EXOC3L1: variants seen among roughly 807,000 people sequenced by gnomAD.
EXOC3L1 encodes exocyst complex component 3-like protein.
EXOC3L1 carries 79 observed loss-of-function variants against 83.6 expected under a neutral mutation model. The ratio of observed to expected loss-of-function variants is 0.95; its 90% CI spans 0.79 to 1.14. The LOEUF (loss-of-function observed/expected upper bound fraction) is 1.14. EXOC3L1 is among the 50% of genes most tolerant of loss of function. EXOC3L1 has a pLI of 0.00. For missense variants in EXOC3L1, 945 were observed against 972.0 expected (o/e 0.97, Z 0.37); for synonymous variants, 433 against 451.2 (o/e 0.96, Z 0.51).
rs1567683733 is a variant in EXOC3L1 at position 67,185,508 on chromosome 16, A to G, written c.1497-18T>C. 1.2e-6 allele frequency: 2 copies of G among 1,601,488 alleles called. No individual in the cohort carries two copies. The highest frequency in any genetic ancestry group is 1.1e-5 in the South Asian group (1 of 91,042). On this transcript the variant is annotated intron_variant, in intron 9 of 13. Coordinates refer to ENST00000314586, the MANE Select transcript of EXOC3L1 (RefSeq NM_178516.4). ...CTGAGGAGCTGGACCAAGCAAAACT[A>G]CGGCTTCAGGACCAAGGCCAAGGCC...
At chr16:67,189,222 G>A (rs1015934324) in intron 2 of EXOC3L1, 42 bp from the exon 3 acceptor site, 2 of 1,524,144 alleles carry the variant, frequency 1.3e-6, no homozygotes, top group Admixed American at 2.2e-5. Flanking sequence ...TCAGGGAGGA[G>A]GGCCCAACGA....
rs780471406 is a variant in EXOC3L1 at position 67,184,875 on chromosome 16, C to T, written c.1905+27G>A. 19 of 1,611,042 alleles carry T rather than the reference C, an allele frequency of 1.2e-5. 1 individual carries two copies. The South Asian group carries it at 1.4e-4, about 12-fold the overall frequency. ...CCCACCCAGCCACTGAGACTCTCGC[C>T]CGTCTGCCCGCCCAAGAAGCTCTCA... On this transcript the variant is annotated intron_variant, in intron 12 of 13. Coordinates refer to ENST00000314586, the MANE Select transcript of EXOC3L1 (RefSeq NM_178516.4).
chr16:67,187,875 C>A, intron 4 of EXOC3L1, 38 bp from the exon 5 acceptor site: 1 of 1,535,350 alleles, frequency 6.5e-7, no homozygotes, highest in Non-Finnish European at 8.8e-7. Flanking sequence ...TGGGTCTCAG[C>A]CTTCCCACCG....
At chr16:67,185,605 AAC>A (rs1480852649) in intron 9 of EXOC3L1, 115 bp from the exon 10 acceptor site, 4 of 970,698 alleles carry the variant, frequency 4.1e-6, no homozygotes, top group African/African-American at 1.6e-5. Context: ...AGGGAGCGAG[AAC>A]AGCGGCTCTC....
rs577532353 is a variant in EXOC3L1, at chr16:67,186,698, C to T, written c.1285-41G>A. 10 of 1,613,290 alleles carry T rather than the reference C, an allele frequency of 6.2e-6. No individual in the cohort carries two copies. In the South Asian group the frequency reaches 7.7e-5, roughly 12 times the overall value. On this transcript the variant is annotated intron_variant, in intron 7 of 13. Transcript: ENST00000314586. ...AGCAGCCATCGGCAAAGCCTCCCTC[C>T]TTCCTCTCCTCCCCACTGCCCCATG...
chr16:67,189,880 G>A, intron 1 of EXOC3L1, 91 bp downstream of exon 1: 1 of 604,434 alleles, frequency 1.7e-6, no homozygotes. Context: ...TCGTGCCCCT[G>A]CAGATGTCAA....
intron 6 of EXOC3L1, 34 bp downstream of exon 6, chr16:67,186,987 A>T: frequency 6.2e-7 from 1 of 1,611,840 alleles, no homozygotes. Context: ...GCAGATAAGT[A>T]GGACTTCTCT....
chr16:67,185,477 C>T lies in EXOC3L1; in HGVS notation c.1510G>A (p.Val504Ile). ...HKSALSSSVS[V>I]LQLDGAPSGA... ...GAAGGCGCCCCGTCCAGCTGCAGGA[C>T]AGACACTGAGGAGCTGGACCAAGCA... Residue 504 changes from valine (V) to isoleucine (I), a missense_variant, in exon 10 of 14, where the codon GTC becomes ATC. Transcript: ENST00000314586. 1 of 1,608,660 alleles carries T rather than the reference C, an allele frequency of 6.2e-7. No homozygotes were observed. The highest frequency in any genetic ancestry group is 8.5e-7 in the Non-Finnish European group (1 of 1,179,980).
intron 2 of EXOC3L1, 149 bp from the exon 3 acceptor site, chr16:67,189,329 T>A (rs2032819641): frequency 1.1e-6 from 1 of 931,198 alleles, no homozygotes; most frequent in Non-Finnish European, 1.5e-6. Flanking sequence ...CAGGCTGGAG[T>A]GCAGTGGTGC....
Position 67,186,898 on chromosome 16 carries a change from C to T in EXOC3L1, c.1159-14G>A. Reference sequence around the variant, plus strand: ...AGACACACTTGCCTGGGGGGAGGGGCCAGGGGCAAAGGAATGTAGCAGGGA... The same window carrying T: ...AGACACACTTGCCTGGGGGGAGGGGTCAGGGGCAAAGGAATGTAGCAGGGA... On this transcript the variant is annotated splice_polypyrimidine_tract_variant and intron_variant, in intron 6 of 13. Coordinates refer to ENST00000314586, the MANE Select transcript of EXOC3L1 (RefSeq NM_178516.4). 2 of 1,613,346 alleles carry T rather than the reference C, an allele frequency of 1.2e-6. No individual in the cohort carries two copies. The highest frequency in any genetic ancestry group is 2.2e-5 in the East Asian group (1 of 44,874).
chr16:67,188,988 C>T, intron 3 of EXOC3L1, 32 bp downstream of exon 3: 1 of 1,605,564 alleles, frequency 6.2e-7, no homozygotes. Flanking sequence ...GCAGCACAGT[C>T]CCAGCACCCG....
In EXOC3L1 at chr16:67,184,535, G is replaced by T. The variant is rs764949461; in HGVS notation, c.2100C>A (p.Leu700=). ...DLSREQHLAA[L]SSLQAALPPS... ...GCGGCAGCGCAGCCTGCAGGGAGCTGAGCGCGGCCAGGTGCTGCTCCCGGG... is the reference window on the plus strand; with the variant it reads ...GCGGCAGCGCAGCCTGCAGGGAGCTTAGCGCGGCCAGGTGCTGCTCCCGGG... The change falls in exon 14 of 14, where the codon CTC becomes CTA. Residue 700 remains leucine, a synonymous_variant. Coordinates refer to ENST00000314586, the MANE Select transcript of EXOC3L1 (RefSeq NM_178516.4). The T allele has an allele frequency of 1.2e-5, 19 of 1,525,982 alleles. No homozygotes were observed. Among genetic ancestry groups the T allele is most frequent in the Admixed American group, 1.0e-4 (5 of 49,862 alleles). The allele number at this position is 1,525,982 out of a possible 1,614,324, so 94.5% of individuals were successfully genotyped here.
At chr16:67,185,856 AGT>A (rs112113522) in intron 9 of EXOC3L1, among the ~76,000 whole-genome samples, 19 of 151,578 alleles carry the variant, frequency 1.3e-4, no homozygotes, top group Non-Finnish European at 1.2e-4. Flanking sequence ...AGAGGAAGGG[AGT>A]GTGTGTGTGT....
In EXOC3L1 at chr16:67,184,383, G is replaced by T; in HGVS notation, c.*11C>A. 5 of 1,534,884 alleles carry T rather than the reference G, an allele frequency of 3.3e-6. No individual in the cohort carries two copies. Among genetic ancestry groups the T allele is most frequent in the Non-Finnish European group, 4.4e-6 (5 of 1,146,028 alleles). ...CAACACACACAGACTCAGGCGTCCG[G>T]CAGCCGTGGTTTATTCTGCGAGCAG... On this transcript the variant is annotated 3_prime_UTR_variant, in exon 14 of 14. Transcript: ENST00000314586.
rs775801701 is a variant in EXOC3L1 at position 67,189,156 on chromosome 16, C to T, written c.71G>A (p.Arg24Gln). The T allele has an allele frequency of 6.2e-6, 10 of 1,604,906 alleles. No individual in the cohort carries two copies. The highest frequency in any genetic ancestry group is 2.7e-5 in the African/African-American group (2 of 74,902). ...TGCACCCCGGGCCAGCTGCTCTGCC[C>T]GCTCCTGCTCTGGCCACTCAGGTCC... ...SPGPEWPEQE[R>Q]AEQLARGAAL... is the part of the protein sequence containing the mutation. Residue 24 changes from arginine to glutamine, a missense_variant, in exon 3 of 14, where the codon CGG becomes CAG. Physicochemically the swap from Arg to Gln is conservative, Grantham distance 43. Coordinates refer to ENST00000314586, the MANE Select transcript of EXOC3L1 (RefSeq NM_178516.4).
At position 67,184,762 on chromosome 16, in the gene EXOC3L1, C is replaced by T; in HGVS notation, c.1954G>A (p.Glu652Lys). 1.3e-6 allele frequency: 2 copies of T among 1,596,408 alleles called. No individual in the cohort carries two copies. The highest frequency in any genetic ancestry group is 2.2e-5 in the South Asian group (2 of 90,562). Residue 652 changes from glutamate to lysine, a missense_variant, in exon 13 of 14, where the codon GAG (glutamate) becomes AAG (lysine). Physicochemically the swap from Glu to Lys is moderately conservative, Grantham distance 56. Transcript: ENST00000314586. ...GCGGGGTCGCGGAGGTTTAGCAGCT[C>T]CCTCAGGGCGAGCAGCACCGGCGCG... Reference protein sequence around the residue: ...HCAPVLLALRELLNLRDPALL... With the variant: ...HCAPVLLALRKLLNLRDPALL...
rs1033930051 is a variant in EXOC3L1 at position 67,188,897 on chromosome 16, C to T, written c.251G>A (p.Trp84Ter). ...CACCTCAATGGCCTGGGCCAGCTGCCACACACCAGTCTGCACGCCTTCCAG... is the reference window on the plus strand; with the variant it reads ...CACCTCAATGGCCTGGGCCAGCTGCTACACACCAGTCTGCACGCCTTCCAG... Reference protein sequence around the residue: ...SYLEGVQTGVWQLAQAIEVVQ... With the variant: ...SYLEGVQTGV The change falls in exon 4 of 14, where the codon TGG (tryptophan) becomes TAG (stop). Residue 84 changes from tryptophan (W) to a stop codon, truncating the protein, a stop_gained. Coordinates refer to ENST00000314586, the MANE Select transcript of EXOC3L1 (RefSeq NM_178516.4). LOFTEE classifies it high-confidence loss of function. The T allele has an allele frequency of 6.2e-7, 1 of 1,613,190 alleles. No individual in the cohort carries two copies. The highest frequency in any genetic ancestry group is 1.7e-5 in the Admixed American group (1 of 60,018).
chr16:67,189,019 C>A lies in EXOC3L1; in HGVS notation c.207+1G>T. 6.2e-7 allele frequency: 1 copy of A among 1,603,990 alleles called. No individual in the cohort carries two copies. Among genetic ancestry groups the A allele is most frequent in the Non-Finnish European group, 8.5e-7 (1 of 1,173,602 alleles). ...ACCCGCACCCCCTGCCCCATGCCCA[C>A]CTTGAGGCGCGATTCCAGGGAGCAG... On this transcript the variant is annotated splice_donor_variant, in intron 3 of 13. Transcript: ENST00000314586. LOFTEE classifies it high-confidence loss of function.
In EXOC3L1 at chr16:67,184,551, T is replaced by C; in HGVS notation, c.2084A>G (p.Gln695Arg). The C allele has an allele frequency of 6.5e-7, 1 of 1,532,066 alleles. No individual in the cohort carries two copies. The highest frequency in any genetic ancestry group is 8.7e-7 in the Non-Finnish European group (1 of 1,146,850). 94.9% of individuals were successfully genotyped at this position (1,532,066 alleles called of 1,614,324 possible). The change falls in exon 14 of 14, where the codon CAG (glutamine) becomes CGG (arginine). Residue 695 changes from glutamine (Q) to arginine (R), a missense_variant. By Grantham distance (43) the Gln-to-Arg change is conservative (BLOSUM62 1). Transcript: ENST00000314586. ...CAGGGAGCTGAGCGCGGCCAGGTGC[T>C]GCTCCCGGGACAAGTCCCCGCGCAG... ...LGLRGDLSRE[Q>R]HLAALSSLQA...
Sources: gnomAD v4.1 joint callset for allele counts (sites outside exome capture counted in the v4.1 genomes callset) on GRCh38, gnomAD v4.1.1 for gene constraint, MANE v1.5 for transcripts, NCBI Gene and HGNC (gene_info 2026-07-23, HGNC 2026-07-21) for gene names.